The following XKR9 variants were observed in gnomAD, a reference collection of about 807,000 sequenced individuals.
XKR9 encodes the protein XK related 9.
A neutral mutation model predicts 32.0 loss-of-function variants in XKR9; 32 were observed. The observed-to-expected ratio is 1.00, with a 90% CI of 0.76 to 1.34. The LOEUF (loss-of-function observed/expected upper bound fraction) is 1.34, where lower values mean the gene tolerates loss of function less well. Among genes scored for constraint, XKR9 ranks in the 40% most tolerant of loss-of-function variants. XKR9 has a pLI of 0.00. For missense variants in XKR9, 546 were observed against 429.7 expected, an observed-to-expected ratio of 1.27 and a Z score of -2.39; for synonymous variants, 168 against 143.4, an observed-to-expected ratio of 1.17 and a Z score of -1.22.
At chr8:70,815,509 T>TTTTATTTATTTATTTATTTATTTATTTA in the XKR9 span, among the ~76,000 whole-genome samples, 4 of 141,830 alleles carry the variant, frequency 2.8e-5, no homozygotes, top group African/African-American at 7.9e-5. Flanking sequence ...CATTCCTTTA[T>TTTTATTTATTTATTTATTTATTTATTTA]TTTATTTATT....
At chr8:71,040,483 A>G in the XKR9 span, among the ~76,000 whole-genome samples, 1 of 152,188 alleles carries the variant, frequency 6.6e-6, no homozygotes, top group Non-Finnish European at 1.5e-5. Flanking sequence ...GTATTTTTTG[A>G]GTACAGCCTT....
intron 2 of XKR9, among the ~76,000 whole-genome samples, chr8:70,745,230 A>G (rs755333015): frequency 6.6e-6 from 1 of 152,226 alleles, no homozygotes; most frequent in African/African-American, 2.4e-5. Flanking sequence ...AACTTTTAAT[A>G]TAGAATGAAC....
the XKR9 span, among the ~76,000 whole-genome samples, chr8:70,920,575 A>G: frequency 6.6e-6 from 1 of 152,142 alleles, no homozygotes; most frequent in Non-Finnish European, 1.5e-5. Flanking sequence ...TTTATACATC[A>G]TAAGAAGTGC....
At chr8:70,777,131 C>G (rs1296610958) in intron 2 of XKR9, among the ~76,000 whole-genome samples, 1 of 151,318 alleles carries the variant, frequency 6.6e-6, no homozygotes, top group Non-Finnish European at 1.5e-5. Context: ...GACTGGCCCC[C>G]TTGTGTGATG....
chr8:70,743,842 TCTCA>T (rs1361868622), intron 2 of XKR9, among the ~76,000 whole-genome samples: 1 of 152,056 alleles, frequency 6.6e-6, no homozygotes. Flanking sequence ...TGGGGTCTGC[TCTCA>T]CTCAGTGCCA....
At chr8:70,761,319 A>G (rs907316614) in intron 2 of XKR9, among the ~76,000 whole-genome samples, 1 of 151,726 alleles carries the variant, frequency 6.6e-6, no homozygotes, top group Non-Finnish European at 1.5e-5. Flanking sequence ...ACTAATTTAC[A>G]CTCCCACCAA....
In XKR9 at chr8:70,715,823, A is replaced by AT. The variant is rs200075561; in HGVS notation, c.493+8679dup. 1.3e-3 allele frequency among the ~76,000 whole-genome samples: 197 copies of AT among 151,280 alleles called. 2 individuals are homozygous for AT. Among genetic ancestry groups the AT allele is most frequent in the South Asian group, 9.6e-3 (46 of 4,774 alleles). The stretch of plus-strand genomic sequence containing the variant: ...TAAGTTTAAGGTTTCAATGGAAAAC[A>AT]TTTTTTTTTGATTTTGAATTCTCTT... On this transcript the variant is annotated intron_variant, in intron 4 of 4. Coordinates refer to ENST00000408926, the MANE Select transcript of XKR9 (RefSeq NM_001011720.2).
the XKR9 span, among the ~76,000 whole-genome samples, chr8:70,855,438 A>C: frequency 6.6e-6 from 1 of 152,178 alleles, no homozygotes; most frequent in South Asian, 2.1e-4. Context: ...AAAAGAATAA[A>C]AAGAAATGAA....
the XKR9 span, among the ~76,000 whole-genome samples, chr8:71,000,174 C>A: frequency 2.0e-5 from 3 of 152,136 alleles, no homozygotes; most frequent in African/African-American, 7.2e-5. Context: ...TGAAGTAATT[C>A]AATTTACTAT....
At chr8:70,960,217 C>A in the XKR9 span, among the ~76,000 whole-genome samples, 2 of 151,346 alleles carry the variant, frequency 1.3e-5, no homozygotes, top group African/African-American at 4.8e-5. Context: ...TGCACTTCAG[C>A]CTGGGCAAAA....
intron 2 of XKR9, among the ~76,000 whole-genome samples, chr8:70,780,136 G>A (rs537618927): frequency 8.6e-5 from 13 of 151,640 alleles, no homozygotes; most frequent in African/African-American, 2.7e-4. Context: ...ATTAGTAATT[G>A]TCTTTTCTCT....
chr8:70,770,979 C>G (rs899337269), intron 2 of XKR9, among the ~76,000 whole-genome samples: 3 of 152,178 alleles, frequency 2.0e-5, no homozygotes, highest in African/African-American at 2.4e-5. Flanking sequence ...ACTCCTGCAG[C>G]TAGCTTGGTG....
At chr8:70,724,452 G>T (rs1806392129) in intron 4 of XKR9, among the ~76,000 whole-genome samples, 1 of 149,608 alleles carries the variant, frequency 6.7e-6, no homozygotes, top group African/African-American at 2.5e-5. Flanking sequence ...AAAAACTCCT[G>T]CAGCTAGCTT....
At chr8:70,981,379 A>G in the XKR9 span, among the ~76,000 whole-genome samples, 5 of 152,108 alleles carry the variant, frequency 3.3e-5, no homozygotes, top group Non-Finnish European at 7.4e-5. Flanking sequence ...GATTAATTGA[A>G]GGCCTTGTCT....
At chr8:70,979,760 A>G in the XKR9 span, among the ~76,000 whole-genome samples, 3 of 152,318 alleles carry the variant, frequency 2.0e-5, no homozygotes, top group African/African-American at 7.2e-5. Context: ...GAGCTCAAAC[A>G]TTGTGCTGGG....
intron 1 of XKR9, among the ~76,000 whole-genome samples, chr8:70,669,997 A>G (rs1818654441): frequency 6.6e-6 from 1 of 152,192 alleles, no homozygotes; most frequent in African/African-American, 2.4e-5. Flanking sequence ...AAATAGTGGT[A>G]AGACATATTT....
At chr8:70,792,557 C>G (rs188325396), downstream of XKR9, among the ~76,000 whole-genome samples, 6 of 152,188 alleles carry the variant, frequency 3.9e-5, no homozygotes, top group Admixed American at 3.9e-4. Context: ...GTGAAAAACA[C>G]TGAGCCCACA....
At chr8:70,837,240 A>C in the XKR9 span, among the ~76,000 whole-genome samples, 2 of 152,110 alleles carry the variant, frequency 1.3e-5, no homozygotes, top group Non-Finnish European at 2.9e-5. Context: ...CTATGTATGT[A>C]ATATCAGTAT....
chr8:70,831,695 T>C, the XKR9 span, among the ~76,000 whole-genome samples: 1 of 152,214 alleles, frequency 6.6e-6, no homozygotes, highest in East Asian at 1.9e-4. Flanking sequence ...TCAGATTTCA[T>C]AGATGTTTAG....
Sources: gnomAD v4.1 joint callset for allele counts (sites outside exome capture counted in the v4.1 genomes callset) on GRCh38, gnomAD v4.1.1 for gene constraint, MANE v1.5 for transcripts, NCBI Gene and HGNC (gene_info 2026-07-23, HGNC 2026-07-21) for gene names.